Variants in ADGRL2 observed in about 807,000 individuals in gnomAD.
The protein encoded by ADGRL2 is adhesion G protein-coupled receptor L2.
A neutral mutation model predicts 157.4 loss-of-function variants in ADGRL2; 44 were observed. The ratio of observed to expected loss-of-function variants is 0.28; its 90% CI spans 0.22 to 0.36. The LOEUF (loss-of-function observed/expected upper bound fraction) is 0.36, where lower values mean the gene tolerates loss of function less well. Ranked by LOEUF, ADGRL2 falls within the 10% of genes least tolerant of loss-of-function variation. The pLI is 1.00. For missense variants in ADGRL2, 1,510 were observed against 1,768.9 expected, an observed-to-expected ratio of 0.85 and a Z score of 2.63; for synonymous variants, 585 against 624.7, an observed-to-expected ratio of 0.94 and a Z score of 0.95.
intron 1 of ADGRL2, chr1:81,426,630 GCA>G (rs1303883912): frequency 2.1e-6 from 1 of 475,882 alleles, no homozygotes; most frequent in African/African-American, 2.0e-5. Context: ...GGAAAAATGG[GCA>G]CACTCACAGA....
chr1:81,513,228 A>C (rs1270060833), intron 2 of ADGRL2, among the ~76,000 whole-genome samples: 2 of 152,260 alleles, frequency 1.3e-5, no homozygotes, highest in East Asian at 3.9e-4. Flanking sequence ...ACAAAGCTAG[A>C]GGATTGGTTG....
rs187144179 is a variant in ADGRL2, at chr1:81,783,006, C to G, written c.-101+21154C>G. 1.3e-4 allele frequency among the ~76,000 whole-genome samples: 20 copies of G among 152,272 alleles called. No individual in the cohort carries two copies. The East Asian group carries it at 2.1e-3, about 16-fold the overall frequency. ...ATCATCAGGTGATGCTTTTGCCATG[C>G]GTTGGAAATCTGTAATAGCTCTTCT... On this transcript the variant is annotated intron_variant, in intron 2 of 20. Coordinates refer to the ADGRL2 transcript ENST00000359929.
At chr1:81,614,422 T>C (rs2081602680) in intron 3 of ADGRL2, among the ~76,000 whole-genome samples, 1 of 152,196 alleles carries the variant, frequency 6.6e-6, no homozygotes, top group South Asian at 2.1e-4. Flanking sequence ...CTGGGGACTG[T>C]GTATATTGAG....
intron 2 of ADGRL2, among the ~76,000 whole-genome samples, chr1:81,466,637 A>G (rs1319606114): frequency 6.6e-6 from 1 of 151,354 alleles, no homozygotes. Context: ...GATAAGTACA[A>G]GACATGTAAT....
intron 3 of ADGRL2, among the ~76,000 whole-genome samples, chr1:81,630,152 A>G (rs1452933552): frequency 6.6e-6 from 1 of 152,078 alleles, no homozygotes; most frequent in Non-Finnish European, 1.5e-5. Flanking sequence ...CATTTTAGTG[A>G]CATATTGAGA....
intron 3 of ADGRL2, among the ~76,000 whole-genome samples, chr1:81,604,730 G>A (rs2081399694): frequency 6.6e-6 from 1 of 152,104 alleles, no homozygotes; most frequent in Non-Finnish European, 1.5e-5. Flanking sequence ...TGCTCAGAGA[G>A]TAGCAGCAGC....
intron 1 of ADGRL2, among the ~76,000 whole-genome samples, chr1:81,367,974 G>A (rs2076096629): frequency 6.6e-6 from 1 of 152,204 alleles, no homozygotes; most frequent in African/African-American, 2.4e-5. Context: ...TGTGAATGGT[G>A]CTATAGTGAA....
At chr1:81,916,868 G>A (rs2094867022) in intron 3 of ADGRL2, among the ~76,000 whole-genome samples, 1 of 151,622 alleles carries the variant, frequency 6.6e-6, no homozygotes. Flanking sequence ...TACTAAATTG[G>A]TTTACCCCAA....
chr1:81,486,020 A>G (rs1462618979), intron 2 of ADGRL2, among the ~76,000 whole-genome samples: 1 of 152,232 alleles, frequency 6.6e-6, no homozygotes, highest in Non-Finnish European at 1.5e-5. Context: ...TCTATGGACA[A>G]GCCACTGTGC....
At chr1:81,668,760 G>T (rs2082806820) in intron 3 of ADGRL2, among the ~76,000 whole-genome samples, 1 of 151,232 alleles carries the variant, frequency 6.6e-6, no homozygotes, top group South Asian at 2.1e-4. Context: ...GGTAGAGACT[G>T]GGTTTCACCA....
chr1:81,406,911 C>T lies in ADGRL2; in HGVS notation c.-301-38125C>T, dbSNP rs2076864143. On this transcript the variant is annotated intron_variant, in intron 1 of 24. Coordinates refer to the ADGRL2 transcript ENST00000370721. ...AGGGAGTGTTGAATGGAAATAAGCT[C>T]AATCAGCCTTCTGGTTTGGATCATT... Among the ~76,000 whole-genome samples the T allele has an allele frequency of 2.0e-5, 3 of 152,290 alleles. No homozygotes were observed. The South Asian group carries it at 6.2e-4, about 32-fold the overall frequency.
intron 2 of ADGRL2, among the ~76,000 whole-genome samples, chr1:81,891,210 A>G (rs974745283): frequency 3.3e-5 from 5 of 151,570 alleles, no homozygotes; most frequent in Non-Finnish European, 5.9e-5. Context: ...ATATTATTTA[A>G]CGTTATATTG....
At chr1:81,331,659 T>C (rs911135034) in intron 1 of ADGRL2, among the ~76,000 whole-genome samples, 2 of 152,152 alleles carry the variant, frequency 1.3e-5, no homozygotes, top group Non-Finnish European at 2.9e-5. Flanking sequence ...TAAGGATTAT[T>C]GAATTAAGAG....
Position 81,943,460 on chromosome 1 carries a change from C to T in ADGRL2, c.901C>T (p.Arg301Ter). ...VISQLNPYTL[R>*]FEATWETVYD... ...TAGCCAGCTGAATCCATACACTCTT[C>T]GATTTGAAGCAACGTGGGAGACTGT... is the stretch of plus-strand genomic sequence containing the variant. The change falls in exon 6 of 24, where the codon CGA (arginine) becomes TGA (stop). Residue 301 changes from arginine to a stop codon, truncating the protein, a stop_gained. Transcript: ENST00000686636. LOFTEE classifies it high-confidence loss of function. This position sits in a 1 kb window ranked among gnomAD's most constrained non-coding sequence, Gnocchi z 5.6. The T allele has an allele frequency of 6.2e-7, 1 of 1,613,660 alleles. No individual in the cohort carries two copies. The highest frequency in any genetic ancestry group is 1.1e-5 in the South Asian group (1 of 91,070).
intron 3 of ADGRL2, among the ~76,000 whole-genome samples, chr1:81,673,596 G>T (rs2082920606): frequency 6.9e-6 from 1 of 145,028 alleles, no homozygotes; most frequent in Non-Finnish European, 1.5e-5. Context: ...CTCACTGCAA[G>T]CTCTGCCTCC....
chr1:81,716,356 A>G (rs1220153223), intron 1 of ADGRL2, among the ~76,000 whole-genome samples: 1 of 151,820 alleles, frequency 6.6e-6, no homozygotes, highest in African/African-American at 2.4e-5. Flanking sequence ...AATAATACTT[A>G]CTCCCCGGTG....
At chr1:81,466,971 T>A (rs913207684) in intron 2 of ADGRL2, among the ~76,000 whole-genome samples, 9 of 151,948 alleles carry the variant, frequency 5.9e-5, no homozygotes, top group African/African-American at 2.2e-4. Context: ...TCTTTAATGA[T>A]AGTGCCGTCT....
intron 1 of ADGRL2, among the ~76,000 whole-genome samples, chr1:81,754,188 A>G (rs1397716019): frequency 6.8e-6 from 1 of 147,464 alleles, no homozygotes; most frequent in African/African-American, 2.5e-5. Flanking sequence ...TTTGGATTTC[A>G]TAGATTCCCT....
intron 1 of ADGRL2, among the ~76,000 whole-genome samples, chr1:81,833,784 C>T (rs982071873): frequency 2.6e-5 from 4 of 152,096 alleles, no homozygotes; most frequent in African/African-American, 4.8e-5. Context: ...GTGTATAAAA[C>T]GTTGAGGGCT....
Sources: allele counts gnomAD v4.1 joint callset (sites outside exome capture counted in the v4.1 genomes callset), GRCh38; gene constraint gnomAD v4.1.1; non-coding constraint Gnocchi (gnomAD v3.1); transcripts MANE v1.5; gene names NCBI Gene and HGNC (gene_info 2026-07-23, HGNC 2026-07-21).